The following GRID2 variants were observed in gnomAD, a reference collection of about 807,000 sequenced individuals.
GRID2 encodes glutamate receptor ionotropic, delta-2.
Under a neutral mutation model 114.8 loss-of-function variants are expected in GRID2, and 33 were observed. The ratio of observed to expected loss-of-function variants is 0.29; its 90% CI spans 0.22 to 0.38. GRID2 has a LOEUF of 0.38. Among genes scored for constraint, GRID2 ranks in the 10% least tolerant of loss-of-function variants. The pLI, the probability that GRID2 is intolerant of heterozygous loss-of-function variation, is 1.00. For synonymous variants in GRID2, 505 were observed against 449.9 expected, an observed-to-expected ratio of 1.12 and a Z score of -1.55; for missense variants, 1,184 against 1,257.7, an observed-to-expected ratio of 0.94 and a Z score of 0.89.
intron 14 of GRID2, among the ~76,000 whole-genome samples, chr4:93,676,736 A>T (rs113813442): frequency 0.049 from 7,129 of 145,774 alleles, 526 homozygotes; most frequent in African/African-American, 0.17. Context: ...TAATGAAATT[A>T]AAAAAAAAAG....
intron 14 of GRID2, among the ~76,000 whole-genome samples, chr4:93,699,348 G>A (rs1391351464): frequency 6.6e-6 from 1 of 151,880 alleles, no homozygotes; most frequent in Non-Finnish European, 1.5e-5. Flanking sequence ...AATATAAATA[G>A]CCATAAAAGT....
In GRID2 at chr4:93,526,966, C is replaced by A. The variant is rs565644641; in HGVS notation, c.2193+11555C>A. ...TTTCATGCCCTTGTCTTTTTCAATT[C>A]CTTTGTCAAAAACATCTTTCAGGTT... On this transcript the variant is annotated intron_variant, in intron 13 of 15. Transcript: ENST00000282020. Among the ~76,000 whole-genome samples, 10 of 152,052 alleles carry A rather than the reference C, an allele frequency of 6.6e-5. No homozygotes were observed. The South Asian group carries it at 2.1e-3, about 32-fold the overall frequency.
intron 2 of GRID2, among the ~76,000 whole-genome samples, chr4:92,746,073 T>C (rs1433737317): frequency 6.6e-6 from 1 of 152,146 alleles, no homozygotes; most frequent in African/African-American, 2.4e-5. Flanking sequence ...TTAACTCCTG[T>C]AGATCTAGTG....
chr4:93,068,179 T>C (rs1205916164), intron 2 of GRID2, among the ~76,000 whole-genome samples: 2 of 152,080 alleles, frequency 1.3e-5, no homozygotes, highest in Non-Finnish European at 2.9e-5. Context: ...AATCCTTCAG[T>C]TTAAAAAATG....
chr4:93,438,827 C>A (rs1005033086), intron 10 of GRID2, among the ~76,000 whole-genome samples: 2 of 149,832 alleles, frequency 1.3e-5, no homozygotes, highest in Admixed American at 1.3e-4. Flanking sequence ...TGCTATCCCT[C>A]CCCCCATCCC....
chr4:92,745,377 T>A (rs958527630), intron 2 of GRID2, among the ~76,000 whole-genome samples: 2 of 152,246 alleles, frequency 1.3e-5, no homozygotes, highest in Non-Finnish European at 1.5e-5. Flanking sequence ...TAGTGTCTAA[T>A]GTACTATTTT....
intron 4 of GRID2, among the ~76,000 whole-genome samples, chr4:93,156,999 T>C (rs1737244339): frequency 6.6e-6 from 1 of 151,800 alleles, no homozygotes; most frequent in Non-Finnish European, 1.5e-5. Flanking sequence ...CCCTGGTCAA[T>C]AGTGGGAAAA....
At chr4:93,219,662 C>T (rs547788652) in intron 6 of GRID2, among the ~76,000 whole-genome samples, 22 of 152,200 alleles carry the variant, frequency 1.4e-4, no homozygotes, top group Non-Finnish European at 3.2e-4. Flanking sequence ...CCAGGATTAG[C>T]TTAAGTTGCA....
At chr4:93,526,885 C>T (rs1042720475) in intron 13 of GRID2, among the ~76,000 whole-genome samples, 1 of 152,160 alleles carries the variant, frequency 6.6e-6, no homozygotes, top group Non-Finnish European at 1.5e-5. Flanking sequence ...AATAGTCACA[C>T]ATATGAATAC....
chr4:93,096,889 CA>C (rs1318539389), intron 3 of GRID2, among the ~76,000 whole-genome samples: 93 of 152,018 alleles, frequency 6.1e-4, no homozygotes, highest in African/African-American at 2.1e-3. Context: ...TCCTCATATC[CA>C]AAACTGGAAG....
At chr4:93,105,532 C>T (rs1440643616) in intron 3 of GRID2, among the ~76,000 whole-genome samples, 2 of 152,014 alleles carry the variant, frequency 1.3e-5, no homozygotes, top group Non-Finnish European at 2.9e-5. Flanking sequence ...ATATGGCTAG[C>T]CAGTATTTTT....
chr4:92,979,616 C>T (rs1754072106), intron 2 of GRID2, among the ~76,000 whole-genome samples: 1 of 152,118 alleles, frequency 6.6e-6, no homozygotes, highest in Admixed American at 6.6e-5. Flanking sequence ...CATATCCAAC[C>T]TCATTTCCGA....
At chr4:92,673,259 T>C (rs1317643397) in intron 2 of GRID2, among the ~76,000 whole-genome samples, 1 of 152,218 alleles carries the variant, frequency 6.6e-6, no homozygotes, top group African/African-American at 2.4e-5. Flanking sequence ...TTTGGATAAA[T>C]ATACCACATC....
At chr4:93,316,291 CGAAAGAAA>C (rs201308452) in intron 8 of GRID2, among the ~76,000 whole-genome samples, 1,023 of 77,136 alleles carry the variant, frequency 0.013, 11 homozygotes, top group Non-Finnish European at 0.015. Flanking sequence ...AACGAAAGAA[CGAAAGAAA>C]GAAAGAAAGA....
chr4:92,668,238 C>T (rs1464723982), intron 2 of GRID2, among the ~76,000 whole-genome samples: 1 of 151,656 alleles, frequency 6.6e-6, no homozygotes, highest in Non-Finnish European at 1.5e-5. Context: ...GGGTTATTTC[C>T]AGCTTTTTTG....
chr4:92,443,136 G>A (rs566188104), intron 1 of GRID2, among the ~76,000 whole-genome samples: 260 of 152,198 alleles, frequency 1.7e-3, no homozygotes, highest in African/African-American at 5.7e-3. Flanking sequence ...GATTTGGGAC[G>A]AGTTGCACTG....
chr4:93,189,778 C>CACACACACACACAT (rs1740798584), intron 4 of GRID2, among the ~76,000 whole-genome samples: 1 of 45,304 alleles, frequency 2.2e-5, no homozygotes, highest in Non-Finnish European at 4.9e-5. Flanking sequence ...CCACACCACA[C>CACACACACACACAT]ACACACACAC....
rs116473697 is a variant in GRID2, at chr4:93,546,343, T to C, written c.2193+30932T>C. On this transcript the variant is annotated intron_variant, in intron 13 of 15. Coordinates refer to ENST00000282020, the MANE Select transcript of GRID2 (RefSeq NM_001510.4). ...AATTTGGGAATTATCAGAATACAGA[T>C]GGTATTTACAGCCATATTTGTGGAT... Among the ~76,000 whole-genome samples, 855 of 152,254 alleles carry C rather than the reference T, an allele frequency of 5.6e-3. 12 individuals carry two copies. The highest frequency in any genetic ancestry group is 0.019 in the African/African-American group (789 of 41,544).
At chr4:92,542,989 T>C (rs1429925340) in intron 1 of GRID2, among the ~76,000 whole-genome samples, 1 of 141,280 alleles carries the variant, frequency 7.1e-6, no homozygotes, top group Non-Finnish European at 1.5e-5. Flanking sequence ...GATGCACTTC[T>C]AAATAAACAA....
Sources: allele counts gnomAD v4.1 joint callset (sites outside exome capture counted in the v4.1 genomes callset), GRCh38; gene constraint gnomAD v4.1.1; transcripts MANE v1.5; gene names NCBI Gene and HGNC (gene_info 2026-07-23, HGNC 2026-07-21).